The following ATP8B4 variants were observed in gnomAD, a reference collection of about 807,000 sequenced individuals.
ATP8B4 encodes the protein probable phospholipid-transporting ATPase IM.
In ATP8B4, 133 loss-of-function variants were observed where a neutral mutation model predicts 145.6. That is an observed-to-expected ratio of 0.91 (90% CI 0.79 to 1.05). ATP8B4 has a LOEUF of 1.05. Ranked by LOEUF, ATP8B4 falls within the 50% of genes least tolerant of loss-of-function variation. The pLI is 0.00. For missense variants in ATP8B4, 1,458 were observed against 1,425.2 expected (o/e 1.02, Z -0.37); for synonymous variants, 507 against 492.9 (o/e 1.03, Z -0.38).
At chr15:49,968,839 T>C (rs1023539880) in intron 13 of ATP8B4, among the ~76,000 whole-genome samples, 3 of 152,150 alleles carry the variant, frequency 2.0e-5, no homozygotes, top group Admixed American at 6.6e-5. Flanking sequence ...CAGCACCACA[T>C]TGCATTTATT....
At chr15:50,027,779 C>A (rs1050438434) in intron 6 of ATP8B4, among the ~76,000 whole-genome samples, 2 of 152,198 alleles carry the variant, frequency 1.3e-5, no homozygotes, top group Non-Finnish European at 2.9e-5. Flanking sequence ...CACTTAACGT[C>A]GTGGATAGGT....
At chr15:49,998,953 C>T (rs908049806) in intron 8 of ATP8B4, among the ~76,000 whole-genome samples, 17 of 152,266 alleles carry the variant, frequency 1.1e-4, no homozygotes, top group Middle Eastern at 6.8e-3. Context: ...CAGCTTTCTA[C>T]ATATGGCTAG....
At chr15:49,897,906 G>A (rs997677626) in intron 22 of ATP8B4, among the ~76,000 whole-genome samples, 162 bp downstream of exon 22, 11 of 152,094 alleles carry the variant, frequency 7.2e-5, no homozygotes, top group African/African-American at 1.2e-4. Flanking sequence ...ATTTTGTTAC[G>A]AATACTAATA....
At chr15:49,926,436 G>A (rs1309767115) in intron 16 of ATP8B4, among the ~76,000 whole-genome samples, 1 of 151,982 alleles carries the variant, frequency 6.6e-6, no homozygotes, top group Non-Finnish European at 1.5e-5. Context: ...AACCTAACTG[G>A]TTTTACCCAT....
intron 2 of ATP8B4, among the ~76,000 whole-genome samples, chr15:50,085,660 A>ATATATATAT (rs1432361149): frequency 2.6e-5 from 4 of 151,484 alleles, no homozygotes; most frequent in Non-Finnish European, 2.9e-5. Flanking sequence ...CAATCATCAA[A>ATATATATAT]CGTGTAAAAT....
At chr15:49,876,722 A>C (rs936912368) in intron 24 of ATP8B4, 199 bp from the exon 25 acceptor site, 2 of 820,230 alleles carry the variant, frequency 2.4e-6, no homozygotes, top group Non-Finnish European at 4.0e-6. Flanking sequence ...CTTTACAGAG[A>C]AGGAGCTTGA....
chr15:50,119,841 G>C (rs897363046), upstream of ATP8B4, among the ~76,000 whole-genome samples: 12 of 142,820 alleles, frequency 8.4e-5, no homozygotes, highest in Non-Finnish European at 1.7e-4. Flanking sequence ...CATTTAGTAG[G>C]CAAAGCAATG....
At chr15:50,179,244 G>A (rs2044809082) in intron 1 of ATP8B4, among the ~76,000 whole-genome samples, 2 of 152,220 alleles carry the variant, frequency 1.3e-5, no homozygotes, top group African/African-American at 2.4e-5. Context: ...GAAAGCTTGA[G>A]TGAGATTCAG....
chr15:50,090,190 G>C (rs1468009161), intron 2 of ATP8B4, among the ~76,000 whole-genome samples: 1 of 151,984 alleles, frequency 6.6e-6, no homozygotes, highest in African/African-American at 2.4e-5. Flanking sequence ...GGGAGGGGAA[G>C]AACACACACT....
chr15:49,995,315 T>C (rs1289745485), intron 9 of ATP8B4, among the ~76,000 whole-genome samples: 2 of 152,162 alleles, frequency 1.3e-5, no homozygotes, highest in African/African-American at 2.4e-5. Context: ...TCCATGAATA[T>C]TCAATGAGGT....
intron 1 of ATP8B4, among the ~76,000 whole-genome samples, chr15:50,143,780 C>T (rs146396647): frequency 9.9e-5 from 15 of 152,146 alleles, no homozygotes; most frequent in African/African-American, 3.4e-4. Flanking sequence ...GATGGAACAG[C>T]GTGATTAAAG....
At chr15:50,024,043 T>C (rs2049818862) in intron 6 of ATP8B4, among the ~76,000 whole-genome samples, 1 of 152,150 alleles carries the variant, frequency 6.6e-6, no homozygotes, top group Non-Finnish European at 1.5e-5. Context: ...TAACATATTA[T>C]CACTCAAGTT....
intron 12 of ATP8B4, among the ~76,000 whole-genome samples, chr15:49,975,769 G>C (rs2045606444): frequency 1.3e-5 from 2 of 152,050 alleles, no homozygotes; most frequent in South Asian, 4.1e-4. Flanking sequence ...GGATTGACTA[G>C]ATTTATAATC....
At position 50,117,177 on chromosome 15, in the gene ATP8B4, G is replaced by A. The variant is rs1447459538; in HGVS notation, c.-43+1946C>T. 2.0e-5 allele frequency among the ~76,000 whole-genome samples: 3 copies of A among 152,134 alleles called. No individual in the cohort carries two copies. The East Asian group carries it at 5.8e-4, about 29-fold the overall frequency. On this transcript the variant is annotated intron_variant, in intron 1 of 27. Transcript: ENST00000284509. ...CGATTCTCCTGCCTCAGCCTCCTGA[G>A]TAGTTGAGATTACAGGAGCCCACCA...
At chr15:49,954,658 A>G (rs2043399140) in intron 14 of ATP8B4, among the ~76,000 whole-genome samples, 1 of 152,154 alleles carries the variant, frequency 6.6e-6, no homozygotes, top group South Asian at 2.1e-4. Flanking sequence ...AATTTTTGTT[A>G]AAAAATCAAA....
intron 1 of ATP8B4, among the ~76,000 whole-genome samples, chr15:50,136,139 A>G (rs2044118756): frequency 6.6e-6 from 1 of 152,140 alleles, no homozygotes; most frequent in African/African-American, 2.4e-5. Context: ...AGTAAACAAG[A>G]CCACCCCTCT....
intron 1 of ATP8B4, among the ~76,000 whole-genome samples, chr15:50,170,503 C>CCCA (rs1555498985): frequency 6.8e-6 from 1 of 147,778 alleles, no homozygotes; most frequent in Non-Finnish European, 1.5e-5. Flanking sequence ...AAACCCCCCC[C>CCCA]ACCCTCCACA....
upstream of ATP8B4, among the ~76,000 whole-genome samples, chr15:50,123,652 A>C (rs1428738819): frequency 6.6e-6 from 1 of 152,114 alleles, no homozygotes; most frequent in African/African-American, 2.4e-5. Flanking sequence ...AGTAATAATA[A>C]AACTCCTGTC....
chr15:50,121,392 GA>G (rs1176630762), upstream of ATP8B4, among the ~76,000 whole-genome samples: 3 of 152,170 alleles, frequency 2.0e-5, no homozygotes, highest in Admixed American at 6.5e-5. Context: ...TGGGATGATG[GA>G]AAAGTCCTGG....
Sources: allele counts gnomAD v4.1 joint callset (sites outside exome capture counted in the v4.1 genomes callset), GRCh38; gene constraint gnomAD v4.1.1; transcripts MANE v1.5; gene names NCBI Gene and HGNC (gene_info 2026-07-23, HGNC 2026-07-21).